Variants in SLC4A1AP observed in about 807,000 individuals in gnomAD.
SLC4A1AP encodes kanadaptin.
A neutral mutation model predicts 89.7 loss-of-function variants in SLC4A1AP; 64 were observed. That is an observed-to-expected ratio of 0.71 (90% CI 0.58 to 0.88). The LOEUF (loss-of-function observed/expected upper bound fraction) is 0.88. Among genes scored for constraint, SLC4A1AP ranks in the 40% least tolerant of loss-of-function variants. SLC4A1AP has a pLI of 0.00. For missense variants in SLC4A1AP, 931 were observed against 965.0 expected (o/e 0.96, Z 0.47); for synonymous variants, 366 against 353.3 (o/e 1.04, Z -0.40).
chr2:27,666,318 C>T (rs1675318390), intron 2 of SLC4A1AP, among the ~76,000 whole-genome samples: 1 of 130,318 alleles, frequency 7.7e-6, no homozygotes, highest in Non-Finnish European at 1.6e-5. Context: ...ACCATATTGG[C>T]CAGGCTGGTC....
In SLC4A1AP at chr2:27,668,941, T is replaced by C. The variant is rs762504801; in HGVS notation, c.1205+38T>C. On this transcript the variant is annotated intron_variant, in intron 4 of 13. Transcript: ENST00000613058. ...CTTATTAATGTTCTTTTCTGGAAAA[T>C]GGCCAATTTCAGGTTTAATGTATGG... 5.0e-6 allele frequency: 8 copies of C among 1,590,190 alleles called. 1 individual carries two copies. The highest frequency in any genetic ancestry group is 6.9e-6 in the Non-Finnish European group (8 of 1,159,916).
intron 12 of SLC4A1AP, 97 bp downstream of exon 12, chr2:27,688,864 C>A: frequency 2.3e-6 from 2 of 882,528 alleles, no homozygotes; most frequent in Non-Finnish European, 1.7e-6. Context: ...ACAGAGTTCC[C>A]AGCAGCCTTA....
chr2:27,684,427 CAAAA>C (rs574920714), intron 9 of SLC4A1AP, among the ~76,000 whole-genome samples: 4 of 103,750 alleles, frequency 3.9e-5, no homozygotes, highest in Non-Finnish European at 2.1e-5. Context: ...GACTCTGTCT[CAAAA>C]AAAAAAAAAA....
chr2:27,669,485 A>G, intron 5 of SLC4A1AP, 98 bp downstream of exon 5: 3 of 1,257,230 alleles, frequency 2.4e-6, no homozygotes, highest in Non-Finnish European at 3.2e-6. Context: ...TGTAAATTGT[A>G]CAAAATTTTT....
At chr2:27,667,497 T>C (rs538723667) in intron 3 of SLC4A1AP, 107 bp downstream of exon 3, 1 of 1,078,440 alleles carries the variant, frequency 9.3e-7, no homozygotes. Flanking sequence ...ATTTTATTGC[T>C]GTCCTTCTTG....
chr2:27,680,367 G>T (rs1675599889), intron 8 of SLC4A1AP, among the ~76,000 whole-genome samples: 1 of 152,164 alleles, frequency 6.6e-6, no homozygotes, highest in Admixed American at 6.5e-5. Context: ...AGAAAATCCT[G>T]TACCAAATAG....
At chr2:27,665,222 G>C in exon 2 of SLC4A1AP, 1 of 1,613,604 alleles carries the variant, frequency 6.2e-7, no homozygotes, top group Non-Finnish European at 8.5e-7. Context: ...ATGAAGAAGA[G>C]GAAATGGATA....
chr2:27,681,865 C>G (rs920347114), intron 8 of SLC4A1AP, among the ~76,000 whole-genome samples: 1 of 152,014 alleles, frequency 6.6e-6, no homozygotes. Context: ...AGTGGGAGCT[C>G]CAGATAAGTA....
intron 5 of SLC4A1AP, among the ~76,000 whole-genome samples, chr2:27,669,651 G>A (rs1675389352): frequency 6.6e-6 from 1 of 150,494 alleles, no homozygotes; most frequent in African/African-American, 2.5e-5. Context: ...ACAATCTTTT[G>A]TGACTTACTT....
At chr2:27,667,221 C>T in intron 2 of SLC4A1AP, 47 bp from the exon 3 acceptor site, 1 of 1,575,928 alleles carries the variant, frequency 6.3e-7, no homozygotes, top group Admixed American at 1.8e-5. Context: ...TTCAAATAGT[C>T]TCTTCTCATG....
chr2:27,668,708 C>T, intron 3 of SLC4A1AP, 135 bp from the exon 4 acceptor site: 1 of 835,210 alleles, frequency 1.2e-6, no homozygotes. Flanking sequence ...CCTCAGCCTC[C>T]CAAAGTGTTA....
intron 12 of SLC4A1AP, among the ~76,000 whole-genome samples, chr2:27,689,161 A>T (rs1675751054): frequency 6.6e-6 from 1 of 152,116 alleles, no homozygotes; most frequent in Non-Finnish European, 1.5e-5. Flanking sequence ...TTATTTTGTA[A>T]CAGTATATTG....
intron 8 of SLC4A1AP, 108 bp downstream of exon 8, chr2:27,678,032 G>T (rs932155242): frequency 4.1e-6 from 3 of 726,244 alleles, no homozygotes; most frequent in Admixed American, 3.7e-5. Context: ...CAAATGTAAT[G>T]CAAGGAACCC....
intron 8 of SLC4A1AP, 135 bp from the exon 9 acceptor site, chr2:27,682,113 A>G (rs1251804131): frequency 1.7e-6 from 1 of 597,850 alleles, no homozygotes; most frequent in Non-Finnish European, 3.0e-6. Flanking sequence ...CCTCTTTCTT[A>G]TTGTTATATG....
At position 27,666,302 on chromosome 2, in the gene SLC4A1AP, G is replaced by A. The variant is rs539401725; in HGVS notation, c.1022-966G>A. On this transcript the variant is annotated intron_variant, in intron 2 of 13. Coordinates refer to ENST00000613058, the Ensembl canonical transcript of SLC4A1AP. ...ATTTTTTTTATTTTAGTAGAGATGG[G>A]GTTTCACCATATTGGCCAGGCTGGT... Among the ~76,000 whole-genome samples the A allele has an allele frequency of 3.3e-4, 43 of 129,208 alleles. 1 individual carries two copies. Among genetic ancestry groups the A allele is most frequent in the African/African-American group, 1.2e-3 (43 of 36,054 alleles). The allele number at this position is 129,208 out of a possible 152,430, so 84.8% of individuals were successfully genotyped here. A position where few individuals can be genotyped will look rare whatever the true frequency, so the allele number is the denominator to read the frequency against.
At chr2:27,684,964 A>C in intron 9 of SLC4A1AP, 73 bp from the exon 10 acceptor site, 1 of 1,495,394 alleles carries the variant, frequency 6.7e-7, no homozygotes, top group Non-Finnish European at 9.0e-7. Context: ...ATTTAGACTG[A>C]CCTCCTTGAA....
At chr2:27,688,975 C>T (rs893302559) in intron 12 of SLC4A1AP, among the ~76,000 whole-genome samples, 8 of 152,144 alleles carry the variant, frequency 5.3e-5, no homozygotes, top group African/African-American at 1.9e-4. Context: ...CAAGCTATCT[C>T]TTTTATTAGT....
At chr2:27,673,737 G>C (rs1675468398) in intron 5 of SLC4A1AP, among the ~76,000 whole-genome samples, 1 of 151,968 alleles carries the variant, frequency 6.6e-6, no homozygotes, top group South Asian at 2.1e-4. Context: ...AGGGAAATTA[G>C]ATATGTGTGT....
chr2:27,677,642 G>A lies in SLC4A1AP; in HGVS notation c.1577-96G>A, dbSNP rs569648640. The stretch of plus-strand genomic sequence containing the variant: ...CTATTACTAGTGATGTCCTCTGTCC[G>A]GTTTTATGTTAGTGACTTTTATATG... On this transcript the variant is annotated intron_variant, in intron 7 of 13. Transcript: ENST00000613058. 6.3e-5 allele frequency: 63 copies of A among 1,006,314 alleles called. No individual in the cohort carries two copies. The South Asian group carries it at 7.1e-4, about 11-fold the overall frequency. 62.3% of individuals were successfully genotyped at this position (1,006,314 alleles called of 1,614,324 possible). A position where few individuals can be genotyped will look rare whatever the true frequency, so the allele number is the denominator to read the frequency against.
Sources: gnomAD v4.1 joint callset for allele counts (sites outside exome capture counted in the v4.1 genomes callset) on GRCh38, gnomAD v4.1.1 for gene constraint, MANE v1.5 for transcripts, NCBI Gene and HGNC (gene_info 2026-07-23, HGNC 2026-07-21) for gene names.